NAP1L4: variants seen among roughly 807,000 people sequenced by gnomAD.
NAP1L4 encodes nucleosome assembly protein 1-like 4.
Under a neutral mutation model 58.2 loss-of-function variants are expected in NAP1L4, and 15 were observed. The observed-to-expected ratio is 0.26, with a 90% CI of 0.17 to 0.40. The LOEUF is 0.40. Ranked by LOEUF, NAP1L4 falls within the 10% of genes least tolerant of loss-of-function variation. NAP1L4 has a pLI of 1.00. For missense variants in NAP1L4, 384 were observed against 451.1 expected (o/e 0.85, Z 1.35); for synonymous variants, 171 against 155.6 (o/e 1.10, Z -0.74).
At chr11:2,987,756 CAAA>C (rs57754393) in intron 1 of NAP1L4, among the ~76,000 whole-genome samples, 6 of 70,452 alleles carry the variant, frequency 8.5e-5, no homozygotes, top group Admixed American at 1.6e-4. Flanking sequence ...GACTCCACCT[CAAA>C]AAAAAAAAAA....
At chr11:2,967,582 G>C (rs990712547) in intron 7 of NAP1L4, among the ~76,000 whole-genome samples, 1 of 147,498 alleles carries the variant, frequency 6.8e-6, no homozygotes, top group Non-Finnish European at 1.5e-5. Context: ...CTGCACTCCA[G>C]CCTGGGCGAC....
chr11:2,978,622 G>A (rs1404308023), intron 2 of NAP1L4, among the ~76,000 whole-genome samples: 2 of 152,086 alleles, frequency 1.3e-5, no homozygotes, highest in African/African-American at 4.8e-5. Context: ...CATTTCTACA[G>A]CTTCTTTCCT....
In NAP1L4 at chr11:2,944,717, C is replaced by T. The variant is rs1050406; in HGVS notation, c.*962G>A. ...GAAAGCAGGACTTGACGCTCATACGCTCCACTGAAACGCAGGACTTCCCAG... is the reference window on the plus strand; with the variant it reads ...GAAAGCAGGACTTGACGCTCATACGTTCCACTGAAACGCAGGACTTCCCAG... On this transcript the variant is annotated 3_prime_UTR_variant, in exon 16 of 16. Transcript: ENST00000380542. 1 of 152,276 alleles carries T rather than the reference C, an allele frequency of 6.6e-6. No individual in the cohort carries two copies. The highest frequency in any genetic ancestry group is 2.4e-5 in the African/African-American group (1 of 41,462). The allele number at this position is 152,276 out of a possible 1,614,324, so 9.4% of individuals were successfully genotyped here. A position where few individuals can be genotyped will look rare whatever the true frequency, so the allele number is the denominator to read the frequency against.
In NAP1L4 at chr11:2,945,404, T is replaced by C. The variant is rs559174315; in HGVS notation, c.*275A>G. 1.2e-5 allele frequency: 7 copies of C among 567,396 alleles called. No individual in the cohort carries two copies. In the East Asian group the frequency reaches 2.1e-4, roughly 17 times the overall value. The allele number at this position is 567,396 out of a possible 1,614,324, so 35.1% of individuals were successfully genotyped here. A position where few individuals can be genotyped will look rare whatever the true frequency, so the allele number is the denominator to read the frequency against. On this transcript the variant is annotated 3_prime_UTR_variant, in exon 16 of 16. Transcript: ENST00000380542. ...AGAGGGTGCTGGACGAAACCTCCTA[T>C]TTCTGAAATGCATTTCAGTTGCCAC... is the stretch of plus-strand genomic sequence containing the variant.
chr11:2,987,089 G>T (rs936059253), intron 1 of NAP1L4, among the ~76,000 whole-genome samples: 1 of 152,038 alleles, frequency 6.6e-6, no homozygotes, highest in Non-Finnish European at 1.5e-5. Context: ...ACAAAGAAAT[G>T]ATCTGTTCTC....
Position 2,954,835 on chromosome 11 carries a change from G to A in NAP1L4, c.916-189C>T. ...AAACAACTTTAAGTAGCTTTAAAGAGCTACTGAAGCAAAATGGCAGAGAAA... is the reference window on the plus strand; with the variant it reads ...AAACAACTTTAAGTAGCTTTAAAGAACTACTGAAGCAAAATGGCAGAGAAA... On this transcript the variant is annotated intron_variant, in intron 11 of 15. Coordinates refer to ENST00000380542, the MANE Select transcript of NAP1L4 (RefSeq NM_005969.4). The surrounding 1 kb of genome is among the most constrained non-coding windows in gnomAD (Gnocchi z 4.8). 1.5e-6 allele frequency: 1 copy of A among 672,970 alleles called. No homozygotes were observed. Among genetic ancestry groups the A allele is most frequent in the Non-Finnish European group, 2.5e-6 (1 of 398,974 alleles). 41.7% of individuals were successfully genotyped at this position (672,970 alleles called of 1,614,324 possible).
At chr11:2,973,492 A>G (rs1236877267) in intron 4 of NAP1L4, among the ~76,000 whole-genome samples, 1 of 152,082 alleles carries the variant, frequency 6.6e-6, no homozygotes, top group Non-Finnish European at 1.5e-5. Flanking sequence ...CCCTCCAACA[A>G]CAGACAGCAC....
chr11:2,945,389 G>T lies in NAP1L4; in HGVS notation c.*290C>A. ...AGGCACCAAGGCTGCAGAGGGTGCT[G>T]GACGAAACCTCCTATTTCTGAAATG... On this transcript the variant is annotated 3_prime_UTR_variant, in exon 16 of 16. Transcript: ENST00000380542. The T allele has an allele frequency of 1.8e-6, 1 of 553,386 alleles. No individual in the cohort carries two copies. 34.3% of individuals were successfully genotyped at this position (553,386 alleles called of 1,614,324 possible).
Position 2,955,851 on chromosome 11 carries a change from G to C in NAP1L4, c.893-85C>G. 1 of 1,266,250 alleles carries C rather than the reference G, an allele frequency of 7.9e-7. No homozygotes were observed. The highest frequency in any genetic ancestry group is 1.1e-6 in the Non-Finnish European group (1 of 886,214). The allele number at this position is 1,266,250 out of a possible 1,614,324, so 78.4% of individuals were successfully genotyped here. A position where few individuals can be genotyped will look rare whatever the true frequency, so the allele number is the denominator to read the frequency against. The stretch of plus-strand genomic sequence containing the variant: ...GCCCACACAGGAGGAAGCTGTGCTG[G>C]TAGATAAAATGTAACATTTCTCACC... On this transcript the variant is annotated intron_variant, in intron 10 of 15. Coordinates refer to ENST00000380542, the MANE Select transcript of NAP1L4 (RefSeq NM_005969.4). This position sits in a 1 kb window ranked among gnomAD's most constrained non-coding sequence, Gnocchi z 4.2.
At chr11:2,962,058 G>GA (rs1214000690) in intron 8 of NAP1L4, among the ~76,000 whole-genome samples, 2 of 152,212 alleles carry the variant, frequency 1.3e-5, no homozygotes, top group African/African-American at 4.8e-5. Context: ...AGCAACTAAA[G>GA]AAATGCAAAA....
intron 2 of NAP1L4, among the ~76,000 whole-genome samples, chr11:2,978,746 C>T (rs921769484): frequency 1.3e-5 from 2 of 152,164 alleles, no homozygotes; most frequent in African/African-American, 4.8e-5. Context: ...TAAGACAGTG[C>T]CCAAAGTGGC....
chr11:2,960,894 C>T (rs139551466), intron 8 of NAP1L4, among the ~76,000 whole-genome samples: 172 of 152,292 alleles, frequency 1.1e-3, no homozygotes, highest in Non-Finnish European at 2.1e-3. Flanking sequence ...ACCAGTTCTA[C>T]GCTCAGACAG....
intron 8 of NAP1L4, among the ~76,000 whole-genome samples, chr11:2,961,501 TAA>T (rs34999812): frequency 2.8e-4 from 39 of 138,874 alleles, no homozygotes; most frequent in African/African-American, 8.7e-4. Context: ...CTCCACGGCT[TAA>T]AAAAAAAAAA....
At chr11:2,960,893 A>G (rs1846853963) in intron 8 of NAP1L4, among the ~76,000 whole-genome samples, 1 of 152,204 alleles carries the variant, frequency 6.6e-6, no homozygotes, top group Non-Finnish European at 1.5e-5. Context: ...GACCAGTTCT[A>G]CGCTCAGACA....
rs200512331 is a variant in NAP1L4, at chr11:2,964,632, T to C, written c.606+48A>G. ...CTGGCTCCAAGTTCTTCCATCTTTG[T>C]GGACTGACCCTGTCTGATGCCAACC... On this transcript the variant is annotated intron_variant, in intron 8 of 15. Transcript: ENST00000380542. The C allele has an allele frequency of 2.4e-4, 358 of 1,493,922 alleles. 1 individual carries two copies. The East Asian group carries it at 8.0e-3, about 33-fold the overall frequency. The allele number at this position is 1,493,922 out of a possible 1,614,324, so 92.5% of individuals were successfully genotyped here.
intron 4 of NAP1L4, 73 bp downstream of exon 4, chr11:2,975,951 T>C (rs1050482999): frequency 4.5e-6 from 6 of 1,323,824 alleles, no homozygotes; most frequent in Admixed American, 2.1e-5. Flanking sequence ...TCTGGGGAAC[T>C]GAAAAGTGGT....
intron 1 of NAP1L4, among the ~76,000 whole-genome samples, chr11:2,980,625 C>T (rs1369589312): frequency 1.3e-5 from 2 of 152,158 alleles, no homozygotes; most frequent in Non-Finnish European, 1.5e-5. Context: ...ACCTGAGGGC[C>T]TCGCTAAACG....
At chr11:2,980,626 T>A (rs974193018) in intron 1 of NAP1L4, among the ~76,000 whole-genome samples, 1 of 152,216 alleles carries the variant, frequency 6.6e-6, no homozygotes, top group Non-Finnish European at 1.5e-5. Context: ...CCTGAGGGCC[T>A]CGCTAAACGG....
Position 2,958,771 on chromosome 11 carries a change from G to A in NAP1L4, c.747-227C>T, listed in dbSNP as rs546717389. On this transcript the variant is annotated intron_variant, in intron 9 of 15. Coordinates refer to ENST00000380542, the MANE Select transcript of NAP1L4 (RefSeq NM_005969.4). Reference sequence around the variant, plus strand: ...TGACCACTGGAACTTCAGACTTCTGGAACAATGGTATTATTTTCCCAAGAC... The same window carrying A: ...TGACCACTGGAACTTCAGACTTCTGAAACAATGGTATTATTTTCCCAAGAC... The A allele has an allele frequency of 2.2e-5, 12 of 545,996 alleles. No individual in the cohort carries two copies. In the East Asian group the frequency reaches 3.0e-4, roughly 14 times the overall value. 33.8% of individuals were successfully genotyped at this position (545,996 alleles called of 1,614,324 possible).
Sources: allele counts gnomAD v4.1 joint callset (sites outside exome capture counted in the v4.1 genomes callset), GRCh38; gene constraint gnomAD v4.1.1; non-coding constraint Gnocchi (gnomAD v3.1); transcripts MANE v1.5; gene names NCBI Gene and HGNC (gene_info 2026-07-23, HGNC 2026-07-21).